MOSMO: variants seen among roughly 807,000 people sequenced by gnomAD.
The protein encoded by MOSMO is modulator of smoothened, also known as modulator of smoothened protein.
MOSMO carries 5 observed loss-of-function variants against 18.4 expected under a neutral mutation model. The ratio of observed to expected loss-of-function variants is 0.27; its 90% confidence interval spans 0.14 to 0.57. The LOEUF (loss-of-function observed/expected upper bound fraction) is 0.57, where lower values mean the gene tolerates loss of function less well. Ranked by LOEUF, MOSMO falls within the 20% of genes least tolerant of loss-of-function variation. The probability of loss-of-function intolerance (pLI) is 0.92; values close to 1 mark genes in which losing one functional copy is unlikely to be tolerated. For synonymous variants in MOSMO, 82 were observed against 82.3 expected (o/e 1.00, Z 0.02); for missense variants, 138 against 211.8 (o/e 0.65, Z 2.16).
chr16:22,048,047 C>T (rs1900349084), intron 1 of MOSMO, among the ~76,000 whole-genome samples: 1 of 152,190 alleles, frequency 6.6e-6, no homozygotes, highest in Non-Finnish European at 1.5e-5. Context: ...CCTAAAGGCA[C>T]ATCAGAACTG....
At chr16:22,057,909 T>C (rs1361909286) in intron 1 of MOSMO, among the ~76,000 whole-genome samples, 1 of 151,728 alleles carries the variant, frequency 6.6e-6, no homozygotes, top group Non-Finnish European at 1.5e-5. Flanking sequence ...GGCCCTGAAG[T>C]GGAAAAGAGT....
downstream of MOSMO, among the ~76,000 whole-genome samples, chr16:22,088,002 A>T (rs1239266259): frequency 1.3e-5 from 2 of 152,120 alleles, no homozygotes; most frequent in Non-Finnish European, 2.9e-5. Flanking sequence ...GATCAGTTTA[A>T]CAAAAGCAAG....
In MOSMO at chr16:22,008,287, G is replaced by C. The variant is rs1002739855; in HGVS notation, c.-15G>C. 2.4e-5 allele frequency: 35 copies of C among 1,467,270 alleles called. No homozygotes were observed. The highest frequency in any genetic ancestry group is 3.1e-5 in the Non-Finnish European group (34 of 1,099,490). The allele number at this position is 1,467,270 out of a possible 1,614,324, so 90.9% of individuals were successfully genotyped here. A position where few individuals can be genotyped will look rare whatever the true frequency, so the allele number is the denominator to read the frequency against. On this transcript the variant is annotated 5_prime_UTR_variant, in exon 1 of 3. Coordinates refer to ENST00000542527, the MANE Select transcript of MOSMO (RefSeq NM_001164579.2). ...CTGTCCGGGGCTCGGGGGGTGGGGG[G>C]AGCGGGGCGGGGAGATGGATAAACT...
At chr16:22,067,150 GAC>G (rs773301812) in intron 1 of MOSMO, among the ~76,000 whole-genome samples, 8 of 152,112 alleles carry the variant, frequency 5.3e-5, no homozygotes, top group Non-Finnish European at 7.3e-5. Flanking sequence ...CAAACTTAAA[GAC>G]ACATCAATTG....
In MOSMO at chr16:22,083,990, T is replaced by A. The variant is rs1224553935; in HGVS notation, c.*3110T>A. 1 of 270,900 alleles carries A rather than the reference T, an allele frequency of 3.7e-6. No individual in the cohort carries two copies. The highest frequency in any genetic ancestry group is 7.1e-6 in the Non-Finnish European group (1 of 140,596). 16.8% of individuals were successfully genotyped at this position (270,900 alleles called of 1,614,324 possible). On this transcript the variant is annotated 3_prime_UTR_variant, in exon 3 of 3. Coordinates refer to ENST00000542527, the MANE Select transcript of MOSMO (RefSeq NM_001164579.2). ...AAGGATGGCTCTTTTTTCTTTTTAA[T>A]GTTCTAGATGACCAAAACACTATTG...
chr16:22,084,951 G>C (rs1901144020), downstream of MOSMO, among the ~76,000 whole-genome samples: 1 of 152,206 alleles, frequency 6.6e-6, no homozygotes, highest in Non-Finnish European at 1.5e-5. Context: ...TGAGCTAGGA[G>C]AGAGAAACCA....
chr16:22,064,470 G>T, intron 1 of MOSMO: 1 of 452,950 alleles, frequency 2.2e-6, no homozygotes, highest in Non-Finnish European at 4.5e-6. Flanking sequence ...TCTTCCATGG[G>T]AGTTTCTCTT....
intron 1 of MOSMO, among the ~76,000 whole-genome samples, chr16:22,036,936 G>A (rs904662143): frequency 6.6e-6 from 1 of 152,156 alleles, no homozygotes; most frequent in Non-Finnish European, 1.5e-5. Context: ...AAACTCATAA[G>A]TCAGACTAGG....
chr16:22,016,869 C>T (rs1254778309), intron 1 of MOSMO, among the ~76,000 whole-genome samples: 3 of 152,068 alleles, frequency 2.0e-5, no homozygotes, highest in Non-Finnish European at 4.4e-5. Context: ...ATATTAACCA[C>T]AGTGTATTGT....
downstream of MOSMO, among the ~76,000 whole-genome samples, chr16:22,085,476 T>C (rs959494863): frequency 7.9e-5 from 12 of 152,188 alleles, no homozygotes; most frequent in African/African-American, 2.7e-4. Flanking sequence ...CATTAATGAA[T>C]AGGTCAATTG....
intron 1 of MOSMO, among the ~76,000 whole-genome samples, chr16:22,063,255 T>G (rs1900685305): frequency 6.6e-6 from 1 of 152,168 alleles, no homozygotes; most frequent in African/African-American, 2.4e-5. Context: ...GGTTTAGAAT[T>G]TGATTTAATG....
rs1901079668 is a variant in MOSMO, at chr16:22,081,458, T to C, written c.*578T>C. ...AGATCAAAACTTGTTTGCTAAAATG[T>C]ATGTAAAAATTCTGAAATTCCCTCT... On this transcript the variant is annotated 3_prime_UTR_variant, in exon 3 of 3. Coordinates refer to ENST00000542527, the MANE Select transcript of MOSMO (RefSeq NM_001164579.2). 7.9e-6 allele frequency: 1 copy of C among 126,394 alleles called. No homozygotes were observed. The allele number at this position is 126,394 out of a possible 1,614,324, so 7.8% of individuals were successfully genotyped here. A position where few individuals can be genotyped will look rare whatever the true frequency, so the allele number is the denominator to read the frequency against.
intron 1 of MOSMO, among the ~76,000 whole-genome samples, chr16:22,056,305 T>A (rs1190976351): frequency 6.6e-6 from 1 of 151,742 alleles, no homozygotes; most frequent in East Asian, 1.9e-4. Flanking sequence ...GTCAATTCTG[T>A]AGTCTTTTTT....
chr16:22,051,965 CAG>C, intron 1 of MOSMO, among the ~76,000 whole-genome samples: 1 of 151,912 alleles, frequency 6.6e-6, no homozygotes, highest in African/African-American at 2.4e-5. Flanking sequence ...TGTGGTGTGA[CAG>C]AAAAAAACAT....
chr16:22,076,190 C>T (rs1471030268), intron 2 of MOSMO: 1 of 166,910 alleles, frequency 6.0e-6, no homozygotes, highest in African/African-American at 2.4e-5. Context: ...ATATTTCTTA[C>T]TCCATTAAGC....
At chr16:22,060,397 A>G (rs2141758189) in intron 1 of MOSMO, among the ~76,000 whole-genome samples, 1 of 152,360 alleles carries the variant, frequency 6.6e-6, no homozygotes, top group South Asian at 2.1e-4. Context: ...AGAGATGGCA[A>G]GTAAATACAT....
At chr16:22,018,654 T>G (rs1027944339) in intron 1 of MOSMO, among the ~76,000 whole-genome samples, 1 of 152,216 alleles carries the variant, frequency 6.6e-6, no homozygotes, top group African/African-American at 2.4e-5. Flanking sequence ...AGATTATGTT[T>G]AAGCAAATGA....
At chr16:22,042,037 A>C (rs912030059) in intron 1 of MOSMO, among the ~76,000 whole-genome samples, 4 of 152,158 alleles carry the variant, frequency 2.6e-5, no homozygotes, top group Non-Finnish European at 5.9e-5. Flanking sequence ...AAATTTTGAG[A>C]TGTTCGGAAC....
chr16:22,071,783 G>C (rs1386379304), intron 1 of MOSMO, among the ~76,000 whole-genome samples: 1 of 152,148 alleles, frequency 6.6e-6, no homozygotes, highest in Non-Finnish European at 1.5e-5. Context: ...TTGGCTGTTT[G>C]GGGAATGGAA....
Sources: gnomAD v4.1 joint callset for allele counts (sites outside exome capture counted in the v4.1 genomes callset) on GRCh38, gnomAD v4.1.1 for gene constraint, MANE v1.5 for transcripts, NCBI Gene and HGNC (gene_info 2026-07-23, HGNC 2026-07-21) for gene names.